Variants in ZFHX3 observed in about 807,000 individuals in gnomAD.
The protein encoded by ZFHX3 is zinc finger homeobox protein 3.
In ZFHX3, 42 loss-of-function variants were observed where a neutral mutation model predicts 279.1. The observed-to-expected ratio is 0.15, with a 90% CI of 0.12 to 0.19. The LOEUF is 0.19. Ranked by LOEUF, ZFHX3 falls within the 10% of genes least tolerant of loss-of-function variation. The pLI is 1.00. For synonymous variants in ZFHX3, 2,293 were observed against 1,957.8 expected, an observed-to-expected ratio of 1.17 and a Z score of -4.52; for missense variants, 4,981 against 4,754.0, an observed-to-expected ratio of 1.05 and a Z score of -1.40.
At chr16:73,814,326 G>T (rs1365453370) in intron 1 of ZFHX3, among the ~76,000 whole-genome samples, 1 of 151,942 alleles carries the variant, frequency 6.6e-6, no homozygotes, top group East Asian at 1.9e-4. Context: ...ACATAGCAAT[G>T]AGTTTTAAAA....
chr16:72,795,272 C>T lies in ZFHX3; in HGVS notation c.7410G>A (p.Lys2470=), dbSNP rs2035864189. Residue 2470 remains lysine, a synonymous_variant, in exon 9 of 10, where the codon AAG becomes AAA. Coordinates refer to ENST00000268489, the MANE Select transcript of ZFHX3 (RefSeq NM_006885.4). ...AAGGCAGGGACACCAGCTGGGGGAG[C>T]TTCTGCTGGGGAGTGTTGGTCTTCT... ...PEQKTNTPQQ[K]LPQLVSLPSL... is the part of the protein sequence containing the mutation. The T allele has an allele frequency of 6.2e-7, 1 of 1,612,974 alleles. No homozygotes were observed.
intron 5 of ZFHX3, among the ~76,000 whole-genome samples, chr16:73,237,300 C>T (rs547846599): frequency 6.6e-5 from 10 of 152,094 alleles, no homozygotes; most frequent in African/African-American, 9.7e-5. Context: ...GTGTTGTCCA[C>T]GCTGGAGTGG....
At chr16:72,962,266 T>C (rs1267035387) in intron 1 of ZFHX3, among the ~76,000 whole-genome samples, 2 of 152,244 alleles carry the variant, frequency 1.3e-5, no homozygotes, top group African/African-American at 4.8e-5. Context: ...TGCAAGCGTT[T>C]ACCAATTAAT....
chr16:73,322,304 A>G (rs985290242), intron 3 of ZFHX3, among the ~76,000 whole-genome samples: 3 of 151,794 alleles, frequency 2.0e-5, no homozygotes, highest in African/African-American at 4.8e-5. Flanking sequence ...AGCTTATGAT[A>G]TACTTTTCAC....
At chr16:73,739,915 C>T (rs1283646783) in intron 1 of ZFHX3, among the ~76,000 whole-genome samples, 2 of 152,142 alleles carry the variant, frequency 1.3e-5, no homozygotes, top group Non-Finnish European at 2.9e-5. Context: ...TTCATGTCCA[C>T]CTCCACTCTG....
intron 4 of ZFHX3, among the ~76,000 whole-genome samples, chr16:72,841,887 C>T (rs1213742354): frequency 1.3e-5 from 2 of 152,222 alleles, no homozygotes; most frequent in South Asian, 4.1e-4. Context: ...TCTAGACTCA[C>T]ACCCCATCCT....
chr16:73,313,295 A>C (rs1008562944), intron 4 of ZFHX3, among the ~76,000 whole-genome samples: 2 of 152,136 alleles, frequency 1.3e-5, no homozygotes, highest in African/African-American at 4.8e-5. Context: ...TTTCCTTATA[A>C]ATTACTTAGT....
At chr16:72,979,568 G>C (rs976958191) in intron 1 of ZFHX3, among the ~76,000 whole-genome samples, 1 of 152,134 alleles carries the variant, frequency 6.6e-6, no homozygotes, top group South Asian at 2.1e-4. Flanking sequence ...AATCTCTCAG[G>C]AAGCTTTTAT....
chr16:73,638,044 A>T (rs908394165), intron 2 of ZFHX3, among the ~76,000 whole-genome samples: 3 of 152,194 alleles, frequency 2.0e-5, no homozygotes, highest in African/African-American at 4.8e-5. Flanking sequence ...GGATACAGGG[A>T]AACAGATATT....
intron 2 of ZFHX3, among the ~76,000 whole-genome samples, chr16:73,464,168 G>A (rs550236440): frequency 6.6e-6 from 1 of 151,988 alleles, no homozygotes; most frequent in Non-Finnish European, 1.5e-5. Context: ...AAGAATTAAA[G>A]GGAGAGAGAA....
intron 2 of ZFHX3, among the ~76,000 whole-genome samples, chr16:73,499,008 G>GTTTA (rs1597359285): frequency 6.6e-6 from 1 of 152,170 alleles, no homozygotes; most frequent in East Asian, 1.9e-4. Context: ...TGAACTATGT[G>GTTTA]TTTATGAGAC....
intron 5 of ZFHX3, among the ~76,000 whole-genome samples, chr16:73,226,430 G>C (rs1234692629): frequency 6.6e-6 from 1 of 152,222 alleles, no homozygotes; most frequent in Non-Finnish European, 1.5e-5. Context: ...GTGCGCTCCT[G>C]CTTTAGTCAA....
chr16:73,816,220 C>G (rs1238838554), intron 1 of ZFHX3, among the ~76,000 whole-genome samples: 1 of 152,118 alleles, frequency 6.6e-6, no homozygotes, highest in Non-Finnish European at 1.5e-5. Flanking sequence ...TGATCATACT[C>G]ATTTGTGCAG....
chr16:73,072,921 G>A (rs185609184), intron 8 of ZFHX3, among the ~76,000 whole-genome samples: 10 of 151,080 alleles, frequency 6.6e-5, no homozygotes, highest in African/African-American at 1.5e-4. Context: ...TATTTGAGAC[G>A]GAGTCTCACT....
chr16:73,031,595 C>T (rs1964703089), intron 1 of ZFHX3, among the ~76,000 whole-genome samples: 1 of 152,164 alleles, frequency 6.6e-6, no homozygotes, highest in East Asian at 1.9e-4. Context: ...TAAGTGTTTC[C>T]AGACAAAAAC....
At chr16:73,018,994 T>A (rs1302290099) in intron 1 of ZFHX3, among the ~76,000 whole-genome samples, 1 of 152,152 alleles carries the variant, frequency 6.6e-6, no homozygotes, top group Non-Finnish European at 1.5e-5. Context: ...CTCCGCTGTA[T>A]CACACACTCA....
intron 4 of ZFHX3, among the ~76,000 whole-genome samples, chr16:72,859,767 G>A (rs1030433623): frequency 6.6e-6 from 1 of 152,122 alleles, no homozygotes; most frequent in Non-Finnish European, 1.5e-5. Flanking sequence ...TGGGTTAGAG[G>A]AAATGAACAG....
At chr16:72,963,246 C>T (rs189053577) in intron 1 of ZFHX3, among the ~76,000 whole-genome samples, 1 of 152,272 alleles carries the variant, frequency 6.6e-6, no homozygotes, top group East Asian at 1.9e-4. Context: ...AGTGCCAGGG[C>T]TAGCTGGTAC....
chr16:73,759,909 C>A (rs1458574497), intron 1 of ZFHX3, among the ~76,000 whole-genome samples: 1 of 150,706 alleles, frequency 6.6e-6, no homozygotes, highest in Non-Finnish European at 1.5e-5. Context: ...AAGTGGGATT[C>A]CCAGAGCTAT....
Sources: allele counts gnomAD v4.1 joint callset (sites outside exome capture counted in the v4.1 genomes callset), GRCh38; gene constraint gnomAD v4.1.1; transcripts MANE v1.5; gene names NCBI Gene and HGNC (gene_info 2026-07-23, HGNC 2026-07-21).